Variants in AKAP6 observed in about 807,000 individuals in gnomAD.
AKAP6 encodes the protein A-kinase anchoring protein 6, also known as A-kinase anchor protein 6.
In AKAP6, 58 loss-of-function variants were observed where a neutral mutation model predicts 188.5. That is an observed-to-expected ratio of 0.31 (90% confidence interval 0.25 to 0.38). AKAP6 has a LOEUF of 0.38. Among genes scored for constraint, AKAP6 ranks in the 10% least tolerant of loss-of-function variants. The pLI is 1.00. For synonymous variants in AKAP6, 989 were observed against 998.6 expected (o/e 0.99, Z 0.18); for missense variants, 2,710 against 2,740.0 (o/e 0.99, Z 0.24).
At chr14:32,798,772 T>C (rs1057227836) in intron 12 of AKAP6, among the ~76,000 whole-genome samples, 1 of 152,150 alleles carries the variant, frequency 6.6e-6, no homozygotes, top group Non-Finnish European at 1.5e-5. Flanking sequence ...TATCAGGTAC[T>C]GTACTTATTA....
At chr14:32,586,505 T>C (rs1885257868) in intron 5 of AKAP6, among the ~76,000 whole-genome samples, 1 of 152,140 alleles carries the variant, frequency 6.6e-6, no homozygotes, top group Admixed American at 6.5e-5. Context: ...CGCGTGTCTG[T>C]AGTCCCAGCT....
At chr14:32,567,408 A>G (rs1237582844) in intron 4 of AKAP6, among the ~76,000 whole-genome samples, 1 of 152,130 alleles carries the variant, frequency 6.6e-6, no homozygotes, top group African/African-American at 2.4e-5. Flanking sequence ...CTTGGCTCCC[A>G]TGACAGTACA....
chr14:32,576,558 T>C (rs538478337), intron 4 of AKAP6, among the ~76,000 whole-genome samples: 7 of 152,226 alleles, frequency 4.6e-5, no homozygotes, highest in African/African-American at 1.7e-4. Context: ...CCTTCCTTTG[T>C]AGCACACAGG....
intron 7 of AKAP6, among the ~76,000 whole-genome samples, chr14:32,617,803 T>C (rs757492861): frequency 4.6e-5 from 7 of 152,150 alleles, no homozygotes; most frequent in Admixed American, 6.5e-5. Context: ...TTTTTGTGTA[T>C]TTTTAGTAGA....
At chr14:32,649,846 G>T (rs1410844296) in intron 7 of AKAP6, among the ~76,000 whole-genome samples, 4 of 152,126 alleles carry the variant, frequency 2.6e-5, no homozygotes, top group African/African-American at 9.7e-5. Flanking sequence ...TTGGTAAATG[G>T]TTTTAAGTCA....
At chr14:32,513,450 A>T (rs1264930914) in intron 2 of AKAP6, among the ~76,000 whole-genome samples, 2 of 152,222 alleles carry the variant, frequency 1.3e-5, no homozygotes, top group African/African-American at 2.4e-5. Context: ...TGGCCACCTG[A>T]CATAGAGCCC....
At chr14:32,713,204 G>A (rs1276535759) in intron 9 of AKAP6, among the ~76,000 whole-genome samples, 1 of 152,002 alleles carries the variant, frequency 6.6e-6, no homozygotes, top group African/African-American at 2.4e-5. Context: ...CCCACAATGG[G>A]CTTAAAATAT....
intron 13 of AKAP6, among the ~76,000 whole-genome samples, chr14:32,828,114 G>A (rs2034721256): frequency 6.6e-6 from 1 of 152,116 alleles, no homozygotes; most frequent in Non-Finnish European, 1.5e-5. Context: ...GTAGATTTTA[G>A]ATTTTAGGCA....
intron 12 of AKAP6, among the ~76,000 whole-genome samples, chr14:32,809,665 A>C (rs1243857438): frequency 6.6e-6 from 1 of 152,162 alleles, no homozygotes; most frequent in African/African-American, 2.4e-5. Flanking sequence ...TGGCTTTACT[A>C]AATAACGAAG....
intron 5 of AKAP6, among the ~76,000 whole-genome samples, chr14:32,592,191 C>T (rs1002490095): frequency 1.3e-5 from 2 of 152,140 alleles, no homozygotes; most frequent in African/African-American, 2.4e-5. Context: ...TGAACATTTG[C>T]TAGTTATGTG....
At chr14:32,376,558 G>GA (rs1183053908) in intron 1 of AKAP6, among the ~76,000 whole-genome samples, 1 of 152,124 alleles carries the variant, frequency 6.6e-6, no homozygotes, top group African/African-American at 2.4e-5. Context: ...AAAACACAGA[G>GA]AAAATTAATA....
At chr14:32,717,373 A>G (rs1431351940) in intron 9 of AKAP6, among the ~76,000 whole-genome samples, 1 of 152,106 alleles carries the variant, frequency 6.6e-6, no homozygotes, top group East Asian at 1.9e-4. Flanking sequence ...GCCATTCACT[A>G]AGACCTTTTC....
intron 2 of AKAP6, among the ~76,000 whole-genome samples, chr14:32,488,653 G>A (rs112592964): frequency 9.6e-5 from 2 of 20,930 alleles, no homozygotes; most frequent in East Asian, 8.1e-3. Context: ...CTCAGGGCCC[G>A]GGTGGTGTAG....
At chr14:32,528,635 C>G (rs1322700205) in intron 2 of AKAP6, among the ~76,000 whole-genome samples, 1 of 152,084 alleles carries the variant, frequency 6.6e-6, no homozygotes, top group Non-Finnish European at 1.5e-5. Context: ...TCTTTTTAAA[C>G]ATTGTTTTGG....
At chr14:32,698,968 G>T (rs1196053113) in intron 9 of AKAP6, among the ~76,000 whole-genome samples, 1 of 151,990 alleles carries the variant, frequency 6.6e-6, no homozygotes, top group Non-Finnish European at 1.5e-5. Context: ...TTCTCTCCCT[G>T]GGTGTCTCTC....
chr14:32,687,665 C>G, intron 8 of AKAP6, among the ~76,000 whole-genome samples: 1 of 152,192 alleles, frequency 6.6e-6, no homozygotes, highest in South Asian at 2.1e-4. Context: ...AATCTTATTT[C>G]CATCCAGCAT....
chr14:32,817,823 CA>C (rs1461453319), intron 12 of AKAP6, among the ~76,000 whole-genome samples: 5 of 152,168 alleles, frequency 3.3e-5, no homozygotes, highest in African/African-American at 1.2e-4. Flanking sequence ...TTAGCTTGAG[CA>C]TTATTGGTTG....
intron 2 of AKAP6, among the ~76,000 whole-genome samples, chr14:32,512,834 C>G (rs1035458176): frequency 6.6e-6 from 1 of 152,102 alleles, no homozygotes; most frequent in African/African-American, 2.4e-5. Context: ...CTCTAATGCT[C>G]AGCAATAAAT....
At chr14:32,366,272 T>C (rs993059527) in intron 1 of AKAP6, among the ~76,000 whole-genome samples, 2 of 152,236 alleles carry the variant, frequency 1.3e-5, no homozygotes, top group Admixed American at 6.5e-5. Flanking sequence ...GACTCTATTA[T>C]TTTATTAGCT....
Sources: gnomAD v4.1 joint callset for allele counts (sites outside exome capture counted in the v4.1 genomes callset) on GRCh38, gnomAD v4.1.1 for gene constraint, MANE v1.5 for transcripts, NCBI Gene and HGNC (gene_info 2026-07-23, HGNC 2026-07-21) for gene names.